Variants in MTBP observed in about 807,000 individuals in gnomAD.
The protein encoded by MTBP is mdm2-binding protein.
In MTBP, 101 loss-of-function variants were observed where a neutral mutation model predicts 117.0. The ratio of observed to expected loss-of-function variants is 0.86; its 90% CI spans 0.73 to 1.02. MTBP has a LOEUF of 1.02. Among genes scored for constraint, MTBP ranks in the 50% least tolerant of loss-of-function variants. MTBP has a pLI of 0.00. For missense variants in MTBP, 970 were observed against 1,030.9 expected (o/e 0.94, Z 0.81); for synonymous variants, 350 against 351.5 (o/e 1.00, Z 0.05).
intron 8 of MTBP, among the ~76,000 whole-genome samples, chr8:120,460,407 A>G (rs1813558185): frequency 6.6e-6 from 1 of 152,114 alleles, no homozygotes; most frequent in South Asian, 2.1e-4. Flanking sequence ...GTTTATGATT[A>G]TAGATATATA....
At chr8:120,458,828 T>A (rs922965849) in intron 7 of MTBP, among the ~76,000 whole-genome samples, 9 of 131,626 alleles carry the variant, frequency 6.8e-5, no homozygotes, top group Admixed American at 2.5e-4. Context: ...GCCACAAGAG[T>A]GAAACTCCAT....
At chr8:120,468,080 A>AAAG (rs71306883) in intron 10 of MTBP, among the ~76,000 whole-genome samples, 144,691 of 152,080 alleles carry the variant, frequency 0.95, 68,838 homozygotes, top group East Asian at 1. Context: ...TGTATGCAAG[A>AAAG]AAGAACTAGG....
At chr8:120,459,934 A>G (rs1011879493) in intron 8 of MTBP, among the ~76,000 whole-genome samples, 1 of 152,156 alleles carries the variant, frequency 6.6e-6, no homozygotes, top group Non-Finnish European at 1.5e-5. Context: ...TATAAAATAT[A>G]ATAACTAGGA....
In MTBP at chr8:120,516,187, A is replaced by G. The variant is rs1229625827; in HGVS notation, c.2242A>G (p.Lys748Glu). The G allele has an allele frequency of 6.2e-7, 1 of 1,608,158 alleles. No individual in the cohort carries two copies. The highest frequency in any genetic ancestry group is 1.1e-5 in the South Asian group (1 of 90,798). ...AGATCTGAATTGCCTTTATCCCAGA[A>G]AAAGGTGATATATTACATGCACATA... ...SKDLNCLYPR[K>E]RLVKSESSES... Residue 748 changes from lysine (K) to glutamate (E), a missense_variant, in exon 18 of 22, where the codon AAA becomes GAA. Transcript: ENST00000305949.
intron 15 of MTBP, among the ~76,000 whole-genome samples, chr8:120,503,160 A>G (rs1416483883): frequency 1.3e-5 from 2 of 152,208 alleles, no homozygotes; most frequent in Non-Finnish European, 2.9e-5. Flanking sequence ...TCTCCGAAAT[A>G]TTACAAATCA....
chr8:120,487,566 A>G (rs1471344744), intron 11 of MTBP, among the ~76,000 whole-genome samples: 2 of 152,202 alleles, frequency 1.3e-5, no homozygotes, highest in Non-Finnish European at 2.9e-5. Flanking sequence ...TTCTATTTTT[A>G]ATCTCAAAGG....
At chr8:120,505,246 C>T (rs1469501120) in intron 15 of MTBP, among the ~76,000 whole-genome samples, 2 of 151,994 alleles carry the variant, frequency 1.3e-5, no homozygotes, top group African/African-American at 4.8e-5. Flanking sequence ...GAAGGGAGAG[C>T]CGGGGTAGAG....
chr8:120,515,819 T>G (rs1814905553), intron 17 of MTBP, 106 bp from the exon 18 acceptor site: 2 of 1,075,486 alleles, frequency 1.9e-6, no homozygotes, highest in African/African-American at 3.2e-5. Flanking sequence ...ATTAGGAAAT[T>G]AAACAAGAAC....
chr8:120,482,753 GC>G (rs1351086481), intron 11 of MTBP, among the ~76,000 whole-genome samples: 1 of 100,024 alleles, frequency 1.0e-5, no homozygotes, highest in African/African-American at 2.6e-5. Context: ...AGGCTGGAAT[GC>G]AGTAGCGTGA....
chr8:120,505,774 A>G (rs1269584621), intron 15 of MTBP, among the ~76,000 whole-genome samples: 1 of 152,164 alleles, frequency 6.6e-6, no homozygotes, highest in Non-Finnish European at 1.5e-5. Context: ...GAAACCTCTA[A>G]CTGGAAACAT....
In MTBP at chr8:120,461,264, T is replaced by C. The variant is rs994738471; in HGVS notation, c.977+9T>C. 1 of 1,530,842 alleles carries C rather than the reference T, an allele frequency of 6.5e-7. No individual in the cohort carries two copies. Among genetic ancestry groups the C allele is most frequent in the Admixed American group, 1.7e-5 (1 of 59,450 alleles). 94.8% of individuals were successfully genotyped at this position (1,530,842 alleles called of 1,614,324 possible). A position where few individuals can be genotyped will look rare whatever the true frequency, so the allele number is the denominator to read the frequency against. On this transcript the variant is annotated intron_variant, in intron 9 of 21. Transcript: ENST00000305949. ...GATATTGAATTTGAGTTGTATCCTT[T>C]CATTTACATGTTCATTTTAGATTAC...
chr8:120,454,104 T>C (rs1813419781), intron 5 of MTBP, among the ~76,000 whole-genome samples, 199 bp downstream of exon 5: 1 of 152,160 alleles, frequency 6.6e-6, no homozygotes, highest in African/African-American at 2.4e-5. Flanking sequence ...TTTCATTGTT[T>C]TCATTTAGTT....
At chr8:120,478,404 A>G (rs1442880106) in intron 11 of MTBP, among the ~76,000 whole-genome samples, 1 of 148,080 alleles carries the variant, frequency 6.8e-6, no homozygotes, top group African/African-American at 2.5e-5. Flanking sequence ...TATAATAAAG[A>G]AAAAAAAAAA....
chr8:120,451,684 A>G (rs75137110), intron 4 of MTBP: 34,995 of 169,522 alleles, frequency 0.21, 3,841 homozygotes, highest in Middle Eastern at 0.25. Flanking sequence ...GGCTCAAGCG[A>G]TCCTCCGACC....
intron 14 of MTBP, 98 bp from the exon 15 acceptor site, chr8:120,502,392 TAC>T (rs903060100): frequency 3.2e-5 from 23 of 712,190 alleles, no homozygotes; most frequent in Non-Finnish European, 4.3e-5. Flanking sequence ...TAGACACACA[TAC>T]ACACACACGT....
intron 10 of MTBP, among the ~76,000 whole-genome samples, chr8:120,466,831 G>A (rs1329021337): frequency 2.0e-5 from 3 of 152,040 alleles, no homozygotes; most frequent in Non-Finnish European, 4.4e-5. Context: ...CCAAGATCAC[G>A]CCACTGTACT....
At chr8:120,486,996 C>G (rs1423024426) in intron 11 of MTBP, among the ~76,000 whole-genome samples, 1 of 152,102 alleles carries the variant, frequency 6.6e-6, no homozygotes, top group Admixed American at 6.5e-5. Flanking sequence ...CCTCATAGCC[C>G]CTAAAATAAA....
intron 17 of MTBP, among the ~76,000 whole-genome samples, chr8:120,512,893 C>T (rs1276622499): frequency 1.3e-5 from 2 of 151,934 alleles, no homozygotes; most frequent in Non-Finnish European, 2.9e-5. Context: ...AGTCAAGTAA[C>T]ATTTTAAAGT....
intron 11 of MTBP, among the ~76,000 whole-genome samples, chr8:120,484,709 A>C (rs1417906239): frequency 6.6e-6 from 1 of 152,170 alleles, no homozygotes; most frequent in Non-Finnish European, 1.5e-5. Flanking sequence ...TGGCTTTTAA[A>C]ATATAATCAC....
Sources: gnomAD v4.1 joint callset for allele counts (sites outside exome capture counted in the v4.1 genomes callset) on GRCh38, gnomAD v4.1.1 for gene constraint, MANE v1.5 for transcripts, NCBI Gene and HGNC (gene_info 2026-07-23, HGNC 2026-07-21) for gene names.